Variants in TPM3 observed in about 807,000 individuals in gnomAD.
The protein encoded by TPM3 is tropomyosin 3.
Under a neutral mutation model 43.1 loss-of-function variants are expected in TPM3, and 16 were observed. The observed-to-expected ratio is 0.37, with a 90% confidence interval of 0.25 to 0.56. TPM3 has a LOEUF of 0.56. TPM3 is among the 20% of genes least tolerant of loss of function. The pLI is 0.77. For synonymous variants in TPM3, 101 were observed against 116.9 expected (o/e 0.86, Z 0.88); for missense variants, 176 against 337.2 (o/e 0.52, Z 3.74).
At chr1:154,170,321 T>C in intron 8 of TPM3, 79 bp downstream of exon 8, 4 of 1,500,082 alleles carry the variant, frequency 2.7e-6, no homozygotes. Context: ...TCCTTTGGTG[T>C]ACAGAAAAAG....
At chr1:154,170,338 A>T in intron 8 of TPM3, 62 bp downstream of exon 8, 1 of 1,558,962 alleles carries the variant, frequency 6.4e-7, no homozygotes, top group Non-Finnish European at 8.8e-7. Flanking sequence ...AAAGAGATTA[A>T]TGGTTAATGG....
At chr1:154,161,438 T>C (rs950971182), downstream of TPM3, among the ~76,000 whole-genome samples, 2 of 106,548 alleles carry the variant, frequency 1.9e-5, no homozygotes, top group Non-Finnish European at 1.8e-5. Flanking sequence ...ATCAGGATCC[T>C]TTTTTTTTTT....
At position 154,191,957 on chromosome 1, in the gene TPM3, T is replaced by A. The variant is rs1663697620; in HGVS notation, c.62A>T (p.Asp21Val). The change falls in exon 1 of 10, where the codon GAT becomes GTT. Residue 21 changes from aspartate to valine, a missense_variant. Asp to Val is a radical substitution (Grantham distance 152, BLOSUM62 -3). Transcript: ENST00000651641. ...CTCAGCTTCAGCTTGCTCTGCCCGA[T>A]CCAGAGCATTCTCCTTGTCTAACTT... is the stretch of plus-strand genomic sequence containing the variant. Reference protein sequence around the residue: ...MLKLDKENALDRAEQAEAEQK... With the variant: ...MLKLDKENALVRAEQAEAEQK... 1.2e-6 allele frequency: 2 copies of A among 1,613,982 alleles called. No homozygotes were observed.
intron 2 of TPM3, among the ~76,000 whole-genome samples, chr1:154,189,369 T>C (rs1389860425): frequency 6.6e-6 from 1 of 151,578 alleles, no homozygotes; most frequent in Non-Finnish European, 1.5e-5. Context: ...ACACCTGCAA[T>C]CCCAGCTACT....
In TPM3 at chr1:154,191,196, T is replaced by G. The variant is rs1663665505; in HGVS notation, c.233A>C (p.Lys78Thr). 6.2e-7 allele frequency: 1 copy of G among 1,614,070 alleles called. No homozygotes were observed. Among genetic ancestry groups the G allele is most frequent in the African/African-American group, 1.3e-5 (1 of 74,926 alleles). The change falls in exon 2 of 10, where the codon AAG (lysine) becomes ACG (threonine). Residue 78 changes from lysine to threonine, a missense_variant. Coordinates refer to ENST00000651641, the MANE Select transcript of TPM3 (RefSeq NM_152263.4). Reference protein sequence around the residue: ...AQEKLELAEKKAADAEAEVAS... With the variant: ...AQEKLELAEKTAADAEAEVAS... ...CTCTCTAATACTCACATCAGCAGCC[T>G]TCTTCTCTGCCAGTTCCAGCTTCTC...
chr1:154,174,373 TA>T (rs1251453371), intron 3 of TPM3, among the ~76,000 whole-genome samples: 1 of 67,388 alleles, frequency 1.5e-5, no homozygotes, highest in Non-Finnish European at 2.6e-5. Flanking sequence ...TATGTGTATA[TA>T]TATATATATA....
downstream of TPM3, chr1:154,159,057 G>A: frequency 1.3e-6 from 1 of 780,464 alleles, no homozygotes; most frequent in Non-Finnish European, 2.4e-6. Flanking sequence ...CTCTGCAGCA[G>A]CAACGGAGAG....
At chr1:154,159,691 C>A (rs1000222302), downstream of TPM3, among the ~76,000 whole-genome samples, 6 of 152,144 alleles carry the variant, frequency 3.9e-5, no homozygotes, top group African/African-American at 1.4e-4. Flanking sequence ...CTGGTATAAG[C>A]TACTCAAGAC....
chr1:154,190,996 G>T lies in TPM3; in HGVS notation c.243+190C>A, dbSNP rs377189012. ...TTAAAAAAAAACTTTTAACATGTTGGAGATGTCTTTAAGAAAGAAAATACA... is the reference window on the plus strand; with the variant it reads ...TTAAAAAAAAACTTTTAACATGTTGTAGATGTCTTTAAGAAAGAAAATACA... On this transcript the variant is annotated intron_variant, in intron 2 of 9. Transcript: ENST00000651641. Among the ~76,000 whole-genome samples the T allele has an allele frequency of 4.6e-4, 70 of 152,276 alleles. No individual in the cohort carries two copies. In the South Asian group the frequency reaches 0.013, roughly 29 times the overall value.
rs1373871561 is a variant in TPM3 at position 154,167,121 on chromosome 1, T to C, written c.*816A>G. 6.6e-6 allele frequency among the ~76,000 whole-genome samples: 1 copy of C among 152,256 alleles called. No homozygotes were observed. Among genetic ancestry groups the C allele is most frequent in the Admixed American group, 6.5e-5 (1 of 15,282 alleles). On this transcript the variant is annotated 3_prime_UTR_variant, in exon 10 of 10. Coordinates refer to ENST00000651641, the MANE Select transcript of TPM3 (RefSeq NM_152263.4). ...TTGAAATATGCATGATTGGTCATTT[T>C]AGTTTTCCCAATAATAATTTATCAC...
intron 2 of TPM3, chr1:154,182,939 G>A: frequency 1.2e-6 from 2 of 1,608,360 alleles, no homozygotes; most frequent in Non-Finnish European, 1.7e-6. Context: ...TCCGCTTGCC[G>A]GATACTCCAG....
In TPM3 at chr1:154,165,448, G is replaced by A. The variant is rs960176884; in HGVS notation, c.*2489C>T. On this transcript the variant is annotated 3_prime_UTR_variant, in exon 10 of 10. Coordinates refer to ENST00000651641, the MANE Select transcript of TPM3 (RefSeq NM_152263.4). Reference sequence around the variant, plus strand: ...ATTCACTATCCCACAACCCAACTCTGCTTGTCAAAAATCCACTTTTGGAAC... The same window carrying A: ...ATTCACTATCCCACAACCCAACTCTACTTGTCAAAAATCCACTTTTGGAAC... Among the ~76,000 whole-genome samples the A allele has an allele frequency of 2.0e-5, 3 of 151,792 alleles. No homozygotes were observed. Among genetic ancestry groups the A allele is most frequent in the Admixed American group, 6.6e-5 (1 of 15,214 alleles).
At chr1:154,189,905 CCTT>C (rs972491911) in intron 2 of TPM3, among the ~76,000 whole-genome samples, 3 of 151,820 alleles carry the variant, frequency 2.0e-5, no homozygotes, top group Admixed American at 6.6e-5. Context: ...CTCTGTCTGT[CCTT>C]CTAGCTATTT....
intron 8 of TPM3, chr1:154,169,951 T>C (rs1045039476): frequency 2.0e-5 from 5 of 249,768 alleles, no homozygotes; most frequent in South Asian, 9.7e-5. Context: ...GCTCCTGACA[T>C]TGGTCAATGT....
At chr1:154,159,086 G>A (rs1466736899), downstream of TPM3, 1 of 779,444 alleles carries the variant, frequency 1.3e-6, no homozygotes. Flanking sequence ...CACAAGAGAA[G>A]GAGAGGAAAA....
In TPM3 at chr1:154,163,396, A is replaced by T. The variant is rs886045294; in HGVS notation, c.*4541T>A. On this transcript the variant is annotated 3_prime_UTR_variant, in exon 10 of 10. Coordinates refer to ENST00000651641, the MANE Select transcript of TPM3 (RefSeq NM_152263.4). ...TATTGCCTATATAATCTTCCTACCA[A>T]TACACTCTTTTGCCCCTGAAAATGA... Among the ~76,000 whole-genome samples, 38 of 152,170 alleles carry T rather than the reference A, an allele frequency of 2.5e-4. No individual in the cohort carries two copies. Among genetic ancestry groups the T allele is most frequent in the South Asian group, 8.3e-4 (4 of 4,814 alleles).
chr1:154,157,192 G>A (rs1659901938), downstream of TPM3: 1 of 326,260 alleles, frequency 3.1e-6, no homozygotes, highest in South Asian at 4.0e-5. Flanking sequence ...CGGTAAGGCA[G>A]GCCTACACCT....
At position 154,192,093 on chromosome 1, in the gene TPM3, G is replaced by T; in HGVS notation, c.-75C>A. The T allele has an allele frequency of 3.1e-6, 4 of 1,297,726 alleles. No homozygotes were observed. Among genetic ancestry groups the T allele is most frequent in the Non-Finnish European group, 3.3e-6 (3 of 900,306 alleles). The allele number at this position is 1,297,726 out of a possible 1,614,324, so 80.4% of individuals were successfully genotyped here. A position where few individuals can be genotyped will look rare whatever the true frequency, so the allele number is the denominator to read the frequency against. On this transcript the variant is annotated 5_prime_UTR_variant, in exon 1 of 10. Coordinates refer to ENST00000651641, the MANE Select transcript of TPM3 (RefSeq NM_152263.4). ...CTGGGGCAAGAAAGAAGGGGCTGCTGCCTGAGTGACCAGGAGGTCCCCAGA... is the reference window on the plus strand; with the variant it reads ...CTGGGGCAAGAAAGAAGGGGCTGCTTCCTGAGTGACCAGGAGGTCCCCAGA...
chr1:154,157,073 T>C (rs1659890342), downstream of TPM3: 2 of 208,210 alleles, frequency 9.6e-6, no homozygotes, highest in Non-Finnish European at 2.0e-5. Context: ...TTTGTTTTTG[T>C]TGTTGTTTGG....
Sources: gnomAD v4.1 joint callset for allele counts (sites outside exome capture counted in the v4.1 genomes callset) on GRCh38, gnomAD v4.1.1 for gene constraint, MANE v1.5 for transcripts, NCBI Gene and HGNC (gene_info 2026-07-23, HGNC 2026-07-21) for gene names.